The following SMARCC1 variants were observed in gnomAD, a reference collection of about 807,000 sequenced individuals.
SMARCC1 encodes SWI/SNF related BAF chromatin remodeling complex subunit C1.
In SMARCC1, 43 loss-of-function variants were observed where a neutral mutation model predicts 147.4. The ratio of observed to expected loss-of-function variants is 0.29; its 90% CI spans 0.23 to 0.38. SMARCC1 has a LOEUF of 0.38. Ranked by LOEUF, SMARCC1 falls within the 10% of genes least tolerant of loss-of-function variation. The pLI, the probability that SMARCC1 is intolerant of heterozygous loss-of-function variation, is 1.00. For missense variants in SMARCC1, 1,119 were observed against 1,381.1 expected (o/e 0.81, Z 3.01); for synonymous variants, 495 against 484.4 (o/e 1.02, Z -0.29).
rs200699243 is a variant in SMARCC1 at position 47,736,103 on chromosome 3, G to A, written c.507C>T (p.Asn169=). Residue 169 remains asparagine, a synonymous_variant, in exon 5 of 28, where the codon AAC becomes AAT. Coordinates refer to ENST00000254480, the MANE Select transcript of SMARCC1 (RefSeq NM_003074.4). ...LVQNNCLTRP[N]IYLIPDIDLK... ...GATCAATGTCTGGAATGAGGTAGAT[G>A]TTGGGTCTGGTCAAACAATTGTTCT... 35 of 1,593,104 alleles carry A rather than the reference G, an allele frequency of 2.2e-5. No homozygotes were observed. The Admixed American group carries it at 4.6e-4, about 21-fold the overall frequency.
At chr3:47,589,369 C>A (rs1363582324) in intron 27 of SMARCC1, among the ~76,000 whole-genome samples, 1 of 152,162 alleles carries the variant, frequency 6.6e-6, no homozygotes, top group Non-Finnish European at 1.5e-5. Context: ...TCCTGAAGTA[C>A]AAAACATGGG....
At position 47,778,954 on chromosome 3, in the gene SMARCC1, C is replaced by T. The variant is rs945375192; in HGVS notation, c.195+2649G>A. Among the ~76,000 whole-genome samples, 4 of 151,820 alleles carry T rather than the reference C, an allele frequency of 2.6e-5. No individual in the cohort carries two copies. In the South Asian group the frequency reaches 8.3e-4, roughly 32 times the overall value. On this transcript the variant is annotated intron_variant, in intron 1 of 27. Transcript: ENST00000254480. ...AGTGTGCTATGATCTCACCACTGCA[C>T]TCCAGCCTGGGCAACACAGAAAGAC...
chr3:47,752,851 A>G (rs774655601), intron 2 of SMARCC1, among the ~76,000 whole-genome samples: 3 of 152,190 alleles, frequency 2.0e-5, no homozygotes, highest in Non-Finnish European at 4.4e-5. Context: ...GAACACTCCA[A>G]TTAGAGACTC....
At chr3:47,775,862 C>G (rs2034968394) in intron 1 of SMARCC1, among the ~76,000 whole-genome samples, 1 of 151,732 alleles carries the variant, frequency 6.6e-6, no homozygotes, top group South Asian at 2.1e-4. Context: ...AAAATTAAAA[C>G]TCTGGCCGGA....
chr3:47,759,632 A>AG (rs1475035926), intron 2 of SMARCC1, among the ~76,000 whole-genome samples: 2 of 148,836 alleles, frequency 1.3e-5, no homozygotes, highest in African/African-American at 4.9e-5. Context: ...AAAAAAAAAA[A>AG]AAAAGAAAAA....
At chr3:47,675,713 C>T (rs906987503) in intron 17 of SMARCC1, 125 bp from the exon 18 acceptor site, 13 of 534,412 alleles carry the variant, frequency 2.4e-5, no homozygotes, top group African/African-American at 1.9e-4. Context: ...TTTGGGAGGC[C>T]GAGGCAGGCG....
chr3:47,746,103 C>T, intron 2 of SMARCC1, 110 bp from the exon 3 acceptor site: 1 of 624,018 alleles, frequency 1.6e-6, no homozygotes, highest in East Asian at 3.2e-5. Context: ...ACTAATTAAA[C>T]AACCTCCTTA....
At chr3:47,640,982 T>C (rs890654859) in intron 21 of SMARCC1, among the ~76,000 whole-genome samples, 1 of 152,222 alleles carries the variant, frequency 6.6e-6, no homozygotes. Flanking sequence ...AACTCAGTAC[T>C]GTCCATTATA....
At chr3:47,768,677 G>A (rs1367091201) in intron 2 of SMARCC1, among the ~76,000 whole-genome samples, 1 of 152,022 alleles carries the variant, frequency 6.6e-6, no homozygotes, top group African/African-American at 2.4e-5. Flanking sequence ...GATAATTCTA[G>A]CCCAGTTCAT....
chr3:47,678,202 T>C lies in SMARCC1; in HGVS notation c.1567A>G (p.Met523Val). 1 of 1,584,384 alleles carries C rather than the reference T, an allele frequency of 6.3e-7. No homozygotes were observed. Among genetic ancestry groups the C allele is most frequent in the Non-Finnish European group, 8.6e-7 (1 of 1,157,664 alleles). ...RNLTGDVCAV[M>V]RVHAFLEQWG... ...AGAAAAAGTCAAACAGTTTACCTCA[T>C]CACAGCACACACATCTCCAGTCAAG... Residue 523 changes from methionine (M) to valine (V), a missense_variant, in exon 16 of 28, where the codon ATG becomes GTG. Met to Val is a conservative substitution (Grantham distance 21). Coordinates refer to ENST00000254480, the MANE Select transcript of SMARCC1 (RefSeq NM_003074.4).
At chr3:47,718,105 C>T (rs1027153395) in intron 7 of SMARCC1, among the ~76,000 whole-genome samples, 2 of 137,686 alleles carry the variant, frequency 1.5e-5, no homozygotes, top group Non-Finnish European at 3.0e-5. Context: ...TGCCACTGCA[C>T]TGCAGCCTGG....
intron 15 of SMARCC1, among the ~76,000 whole-genome samples, chr3:47,679,463 A>G (rs936939976): frequency 2.6e-5 from 4 of 152,204 alleles, no homozygotes; most frequent in African/African-American, 9.7e-5. Context: ...CTATATCATC[A>G]TATCTCTCTT....
intron 25 of SMARCC1, among the ~76,000 whole-genome samples, chr3:47,618,032 G>C (rs1339972697): frequency 6.6e-6 from 1 of 151,948 alleles, no homozygotes; most frequent in African/African-American, 2.4e-5. Flanking sequence ...GTAGGGGTAG[G>C]GACTGTCTCA....
At chr3:47,739,485 C>T (rs1226067814) in intron 3 of SMARCC1, among the ~76,000 whole-genome samples, 1 of 152,238 alleles carries the variant, frequency 6.6e-6, no homozygotes, top group East Asian at 1.9e-4. Flanking sequence ...CCATCACACT[C>T]AGGTAACTGT....
rs768500597 is a variant in SMARCC1 at position 47,645,297 on chromosome 3, C to CA, written c.2321-6518dup. Among the ~76,000 whole-genome samples, 724 of 107,058 alleles carry CA rather than the reference C, an allele frequency of 6.8e-3. 2 individuals carry two copies. The highest frequency in any genetic ancestry group is 0.012 in the African/African-American group (348 of 28,858). 70.2% of individuals were successfully genotyped at this position (107,058 alleles called of 152,430 possible). ...CAGAGCGAGACCCTGTCCCCCCCAC[C>CA]AAAAAAAAAAAAAAACCAACCCTCA... On this transcript the variant is annotated intron_variant, in intron 21 of 27. Coordinates refer to ENST00000254480, the MANE Select transcript of SMARCC1 (RefSeq NM_003074.4).
chr3:47,609,671 T>C (rs1320172389), intron 26 of SMARCC1, among the ~76,000 whole-genome samples: 1 of 152,232 alleles, frequency 6.6e-6, no homozygotes, highest in Non-Finnish European at 1.5e-5. Flanking sequence ...TGTTTGAAGA[T>C]TTCCGTAACA....
intron 26 of SMARCC1, among the ~76,000 whole-genome samples, chr3:47,598,860 G>GACAC (rs1344671995): frequency 8.8e-5 from 11 of 125,012 alleles, no homozygotes; most frequent in South Asian, 7.7e-4. Context: ...AAGAGAGAGA[G>GACAC]AGACACACAC....
rs1373911043 is a variant in SMARCC1 at position 47,676,801 on chromosome 3, A to T, written c.1572-19T>A. The T allele has an allele frequency of 1.9e-6, 3 of 1,608,812 alleles. No individual in the cohort carries two copies. Among genetic ancestry groups the T allele is most frequent in the Admixed American group, 3.4e-5 (2 of 59,240 alleles). On this transcript the variant is annotated intron_variant, in intron 16 of 27. Coordinates refer to ENST00000254480, the MANE Select transcript of SMARCC1 (RefSeq NM_003074.4). ...ATGGACCCTAAAGAATAAAGCTCGG[A>T]AAGTTAAAATCTAAAGAATCAACTT...
chr3:47,701,034 AC>A (rs2033910774), intron 11 of SMARCC1, among the ~76,000 whole-genome samples: 1 of 152,180 alleles, frequency 6.6e-6, no homozygotes, highest in Non-Finnish European at 1.5e-5. Flanking sequence ...CAATTTAAAA[AC>A]CATTAATTTT....
Sources: allele counts gnomAD v4.1 joint callset (sites outside exome capture counted in the v4.1 genomes callset), GRCh38; gene constraint gnomAD v4.1.1; transcripts MANE v1.5; gene names NCBI Gene and HGNC (gene_info 2026-07-23, HGNC 2026-07-21).